DPM1: variants seen among roughly 807,000 people sequenced by gnomAD.
The protein encoded by DPM1 is dolichyl-phosphate mannosyltransferase subunit 1, catalytic.
Under a neutral mutation model 39.0 loss-of-function variants are expected in DPM1, and 27 were observed. The ratio of observed to expected loss-of-function variants is 0.69; its 90% confidence interval spans 0.51 to 0.95. DPM1 has a LOEUF of 0.95. Ranked by LOEUF, DPM1 falls within the 40% of genes least tolerant of loss-of-function variation. DPM1 has a pLI of 0.00. For missense variants in DPM1, 307 were observed against 315.6 expected, an observed-to-expected ratio of 0.97 and a Z score of 0.21; for synonymous variants, 124 against 109.0, an observed-to-expected ratio of 1.14 and a Z score of -0.86.
At chr20:50,954,471 G>A (rs1319626823) in intron 2 of DPM1, among the ~76,000 whole-genome samples, 2 of 152,118 alleles carry the variant, frequency 1.3e-5, no homozygotes, top group East Asian at 3.8e-4. Context: ...CTGAAAAACT[G>A]TGGTCTGCAA....
At chr20:50,942,226 G>A in intron 5 of DPM1, 100 bp from the exon 6 acceptor site, 1 of 1,098,948 alleles carries the variant, frequency 9.1e-7, no homozygotes, top group Non-Finnish European at 1.4e-6. Context: ...AGTCGACACA[G>A]GCTGGGTGCA....
intron 1 of DPM1, among the ~76,000 whole-genome samples, chr20:50,955,809 C>T (rs1241335255): frequency 2.0e-5 from 3 of 152,164 alleles, no homozygotes; most frequent in African/African-American, 7.2e-5. Context: ...GTGATCTGCC[C>T]GCCTCAGCCT....
Position 50,955,234 on chromosome 20 carries a change from T to A in DPM1, c.213A>T (p.Thr71=), listed in dbSNP as rs765667570. ...IIIDDGSPDG[T]RDVAEQLEKI... The stretch of plus-strand genomic sequence containing the variant: ...TCTCCAACTGTTCAGCAACATCCCT[T>A]GTTCCATCTGGGCTTCCATCATCTA... Residue 71 remains threonine (T), a synonymous_variant, in exon 2 of 9, where the codon ACA becomes ACT. Coordinates refer to ENST00000371588, the MANE Select transcript of DPM1 (RefSeq NM_003859.3). 6.2e-7 allele frequency: 1 copy of A among 1,613,360 alleles called. No homozygotes were observed. Among genetic ancestry groups the A allele is most frequent in the East Asian group, 2.2e-5 (1 of 44,804 alleles).
At chr20:50,957,439 G>C (rs1986885548) in intron 1 of DPM1, among the ~76,000 whole-genome samples, 1 of 152,160 alleles carries the variant, frequency 6.6e-6, no homozygotes, top group Non-Finnish European at 1.5e-5. Context: ...CGCGTCTGCT[G>C]CCAACACTGA....
rs557629456 is a variant in DPM1, at chr20:50,948,474, G to A, written c.295+155C>T. Among the ~76,000 whole-genome samples, 37 of 152,194 alleles carry A rather than the reference G, an allele frequency of 2.4e-4. No homozygotes were observed. The South Asian group carries it at 3.3e-3, about 14-fold the overall frequency. On this transcript the variant is annotated intron_variant, in intron 3 of 8. Transcript: ENST00000371588. ...TGAGTGGGTCTTGACTTATACAGGC[G>A]ACCCAAGTTATACCATTTAAATGTC...
intron 8 of DPM1, among the ~76,000 whole-genome samples, 177 bp from the exon 9 acceptor site, chr20:50,935,413 T>C (rs1985065113): frequency 6.6e-6 from 1 of 152,186 alleles, no homozygotes; most frequent in Admixed American, 6.5e-5. Flanking sequence ...TCTTTAAAAT[T>C]AAACATGCAT....
chr20:50,947,619 A>G (rs781575492), intron 3 of DPM1, among the ~76,000 whole-genome samples: 5 of 152,188 alleles, frequency 3.3e-5, no homozygotes, highest in Non-Finnish European at 7.3e-5. Flanking sequence ...TGTATGTTTA[A>G]AAGCTGGAAA....
Position 50,935,225 on chromosome 20 carries a change from T to C in DPM1, c.690A>G (p.Ser230=). ...ATTCACCATAAACACGATCCACAAA[T>C]GATATTGGAACCTAGTTTAAAAAAA... The part of the protein sequence containing the change: ...LNYTIGEVPI[S]FVDRVYGESK... The change falls in exon 9 of 9, where the codon TCA becomes TCG. Residue 230 remains serine, a synonymous_variant. Transcript: ENST00000371588. 1 of 1,599,564 alleles carries C rather than the reference T, an allele frequency of 6.3e-7. No individual in the cohort carries two copies. Among genetic ancestry groups the C allele is most frequent in the African/African-American group, 1.4e-5 (1 of 70,046 alleles).
At chr20:50,949,374 G>A (rs748584497) in intron 2 of DPM1, among the ~76,000 whole-genome samples, 10 of 152,076 alleles carry the variant, frequency 6.6e-5, no homozygotes, top group Non-Finnish European at 1.3e-4. Context: ...TTTGGGTTTT[G>A]AATACTAATA....
chr20:50,937,246 C>G (rs751837486), intron 7 of DPM1, among the ~76,000 whole-genome samples: 1 of 152,032 alleles, frequency 6.6e-6, no homozygotes, highest in South Asian at 2.1e-4. Flanking sequence ...ACTTCTAAGG[C>G]GACCTTATCT....
chr20:50,950,394 A>C (rs1204020454), intron 2 of DPM1, among the ~76,000 whole-genome samples: 1 of 152,230 alleles, frequency 6.6e-6, no homozygotes, highest in Non-Finnish European at 1.5e-5. Flanking sequence ...GATAATTGCA[A>C]GTCACTGAAC....
At position 50,935,284 on chromosome 20, in the gene DPM1, C is replaced by G. The variant is rs755501271; in HGVS notation, c.679-48G>C. Reference sequence around the variant, plus strand: ...ACGTTAGTCTTTAAAAACAATTAGGCAGCTTAGCCGGTATACCACATTACC... The same window carrying G: ...ACGTTAGTCTTTAAAAACAATTAGGGAGCTTAGCCGGTATACCACATTACC... On this transcript the variant is annotated intron_variant, in intron 8 of 8. Coordinates refer to ENST00000371588, the MANE Select transcript of DPM1 (RefSeq NM_003859.3). The G allele has an allele frequency of 7.5e-6, 9 of 1,207,988 alleles. No individual in the cohort carries two copies. The Admixed American group carries it at 1.5e-4, about 21-fold the overall frequency. The allele number at this position is 1,207,988 out of a possible 1,614,324, so 74.8% of individuals were successfully genotyped here.
rs1986968660 is a variant in DPM1 at position 50,958,508 on chromosome 20, C to CT, written c.15dup (p.Val6SerfsTer4). ...CGAGACCTGCGAGGACTACGACTGA[C>CT]TTCCAAGGAGGCCATGGCGGAACTG... On this transcript the variant is annotated frameshift_variant, in exon 1 of 9. Coordinates refer to ENST00000371588, the MANE Select transcript of DPM1 (RefSeq NM_003859.3). LOFTEE classifies it high-confidence loss of function. 1.9e-6 allele frequency: 3 copies of CT among 1,613,772 alleles called. No individual in the cohort carries two copies. Among genetic ancestry groups the CT allele is most frequent in the Non-Finnish European group, 2.5e-6 (3 of 1,179,994 alleles).
chr20:50,957,408 G>A (rs1158918399), intron 1 of DPM1, among the ~76,000 whole-genome samples: 1 of 152,144 alleles, frequency 6.6e-6, no homozygotes, highest in East Asian at 1.9e-4. Flanking sequence ...TTTATCCCTA[G>A]TACACAAGTA....
intron 7 of DPM1, among the ~76,000 whole-genome samples, chr20:50,937,220 ATT>A (rs963695667): frequency 6.6e-6 from 1 of 152,150 alleles, no homozygotes; most frequent in Admixed American, 6.5e-5. Flanking sequence ...CTGAATCCAC[ATT>A]TTTTTTCCCT....
intron 6 of DPM1, among the ~76,000 whole-genome samples, chr20:50,941,490 T>C (rs1050205281): frequency 1.3e-5 from 2 of 150,098 alleles, no homozygotes; most frequent in Non-Finnish European, 3.0e-5. Context: ...GGCAGGCAGA[T>C]CACCTGAGCT....
At chr20:50,949,740 A>G (rs183074609) in intron 2 of DPM1, among the ~76,000 whole-genome samples, 2 of 150,908 alleles carry the variant, frequency 1.3e-5, no homozygotes, top group South Asian at 2.1e-4. Context: ...CTCTCAACAA[A>G]GCATTTTCAA....
At chr20:50,945,284 T>TTGTGTGTGTG (rs11474633) in intron 5 of DPM1, 1,672 of 157,050 alleles carry the variant, frequency 0.011, 15 homozygotes, top group Non-Finnish European at 0.013. Flanking sequence ...CAAATGTGTG[T>TTGTGTGTGTG]TGTGTGTGTG....
intron 7 of DPM1, among the ~76,000 whole-genome samples, chr20:50,939,759 G>A (rs1330841466): frequency 1.3e-5 from 2 of 152,062 alleles, no homozygotes; most frequent in African/African-American, 2.4e-5. Flanking sequence ...GATTACAAGC[G>A]TACGCCACCA....
Sources: allele counts gnomAD v4.1 joint callset (sites outside exome capture counted in the v4.1 genomes callset), GRCh38; gene constraint gnomAD v4.1.1; transcripts MANE v1.5; gene names NCBI Gene and HGNC (gene_info 2026-07-23, HGNC 2026-07-21).